GAB2: variants seen among roughly 807,000 people sequenced by gnomAD.
GAB2 encodes GRB2 associated binding protein 2.
GAB2 carries 26 observed loss-of-function variants against 65.5 expected under a neutral mutation model. The observed-to-expected ratio is 0.40, with a 90% CI of 0.29 to 0.55. GAB2 has a LOEUF of 0.55. GAB2 is among the 20% of genes least tolerant of loss of function. GAB2 has a pLI of 0.53. For synonymous variants in GAB2, 321 were observed against 329.6 expected, an observed-to-expected ratio of 0.97 and a Z score of 0.28; for missense variants, 884 against 875.8, an observed-to-expected ratio of 1.01 and a Z score of -0.12.
At chr11:78,289,198 G>A (rs187648555) in intron 1 of GAB2, among the ~76,000 whole-genome samples, 7 of 152,284 alleles carry the variant, frequency 4.6e-5, no homozygotes, top group East Asian at 1.9e-4. Context: ...CCAGGAGTTC[G>A]AGATTGGCCT....
intron 3 of GAB2, among the ~76,000 whole-genome samples, chr11:78,245,185 G>A (rs1185094755): frequency 6.6e-6 from 1 of 152,134 alleles, no homozygotes; most frequent in African/African-American, 2.4e-5. Flanking sequence ...TTGTTGAATG[G>A]TTAGAATTTC....
At chr11:78,238,223 A>T (rs938092225) in intron 3 of GAB2, among the ~76,000 whole-genome samples, 1 of 151,880 alleles carries the variant, frequency 6.6e-6, no homozygotes, top group East Asian at 1.9e-4. Flanking sequence ...AAAAAAAAAA[A>T]AAAGAAAATG....
intron 1 of GAB2, among the ~76,000 whole-genome samples, chr11:78,341,407 C>A (rs1591051609): frequency 6.6e-6 from 1 of 152,260 alleles, no homozygotes; most frequent in Middle Eastern, 3.4e-3. Flanking sequence ...CCAATGTAAT[C>A]CTCTTGAATA....
chr11:78,384,977 A>C (rs1245934427), intron 1 of GAB2, among the ~76,000 whole-genome samples: 2 of 152,214 alleles, frequency 1.3e-5, no homozygotes, highest in African/African-American at 2.4e-5. Context: ...CCTCTTGAGA[A>C]GACTCTCTAC....
chr11:78,344,978 G>A (rs1856156634), intron 1 of GAB2, among the ~76,000 whole-genome samples: 1 of 152,166 alleles, frequency 6.6e-6, no homozygotes, highest in Non-Finnish European at 1.5e-5. Flanking sequence ...AACATTAAGT[G>A]AAATAAACTG....
In GAB2 at chr11:78,215,961, T is replaced by TA. The variant is rs1864118652; in HGVS notation, c.*3310_*3311insT. ...CAGTAACTTCAGAATGGTTGTGCTT[T>TA]TGTCACAGGAATGGGGCATACTTTG... On this transcript the variant is annotated 3_prime_UTR_variant, in exon 10 of 10. Coordinates refer to ENST00000361507, the MANE Select transcript of GAB2 (RefSeq NM_080491.3). 1 of 152,662 alleles carries TA rather than the reference T, an allele frequency of 6.6e-6. No individual in the cohort carries two copies. The highest frequency in any genetic ancestry group is 1.5e-5 in the Non-Finnish European group (1 of 68,068). The allele number at this position is 152,662 out of a possible 1,614,324, so 9.5% of individuals were successfully genotyped here.
intron 5 of GAB2, among the ~76,000 whole-genome samples, chr11:78,224,584 G>T (rs1864566532): frequency 6.6e-6 from 1 of 152,148 alleles, no homozygotes; most frequent in Non-Finnish European, 1.5e-5. Flanking sequence ...TTCTGCCTTG[G>T]TTACCTGATT....
At chr11:78,304,159 A>G (rs1591019506) in intron 1 of GAB2, among the ~76,000 whole-genome samples, 2 of 152,124 alleles carry the variant, frequency 1.3e-5, no homozygotes, top group Middle Eastern at 6.8e-3. Context: ...AATTTATTGA[A>G]GTAAAGTTGT....
In GAB2 at chr11:78,222,166, T is replaced by G. The variant is rs748455210; in HGVS notation, c.1597A>C (p.Asn533His). The G allele has an allele frequency of 4.3e-6, 7 of 1,614,080 alleles. No homozygotes were observed. The highest frequency in any genetic ancestry group is 5.9e-6 in the Non-Finnish European group (7 of 1,179,902). Residue 533 changes from asparagine to histidine, a missense_variant, in exon 7 of 10, where the codon AAC becomes CAC. By Grantham distance (68) the Asn-to-His change is moderately conservative. Coordinates refer to ENST00000361507, the MANE Select transcript of GAB2 (RefSeq NM_080491.3). ...AAGGGGAGTTCATCGATGACGGTGTTGTTCCTCAGGTCAAGTGGTGTTGGC... is the reference window on the plus strand; with the variant it reads ...AAGGGGAGTTCATCGATGACGGTGTGGTTCCTCAGGTCAAGTGGTGTTGGC... ...AKPTPLDLRN[N>H]TVIDELPFKS...
intron 2 of GAB2, among the ~76,000 whole-genome samples, chr11:78,257,700 G>A (rs568976736): frequency 2.0e-5 from 3 of 152,278 alleles, no homozygotes; most frequent in African/African-American, 7.2e-5. Flanking sequence ...GATGGTATAC[G>A]GGGAATTAAT....
chr11:78,297,204 T>A (rs1237940647), intron 1 of GAB2, among the ~76,000 whole-genome samples: 1 of 152,040 alleles, frequency 6.6e-6, no homozygotes, highest in Non-Finnish European at 1.5e-5. Flanking sequence ...AAAGGTAAGT[T>A]TGGTGACGTT....
At chr11:78,409,498 T>G (rs1398972455) in intron 1 of GAB2, among the ~76,000 whole-genome samples, 1 of 152,168 alleles carries the variant, frequency 6.6e-6, no homozygotes, top group African/African-American at 2.4e-5. Context: ...GCAGGAGAAT[T>G]GCTTGCACCC....
At chr11:78,343,592 A>C (rs1472779031) in intron 1 of GAB2, among the ~76,000 whole-genome samples, 1 of 152,174 alleles carries the variant, frequency 6.6e-6, no homozygotes, top group African/African-American at 2.4e-5. Context: ...CCACCCAAAG[A>C]AGCCAGGTTC....
chr11:78,257,879 C>G (rs908586372), intron 2 of GAB2, among the ~76,000 whole-genome samples: 1 of 151,862 alleles, frequency 6.6e-6, no homozygotes, highest in African/African-American at 2.4e-5. Flanking sequence ...TGGGGTCACA[C>G]AGCCAGAAAG....
chr11:78,411,418 T>A (rs2135098251), intron 1 of GAB2, among the ~76,000 whole-genome samples: 1 of 152,068 alleles, frequency 6.6e-6, no homozygotes, highest in East Asian at 1.9e-4. Flanking sequence ...AAAATAAGAA[T>A]AAAGTAGAGG....
At chr11:78,365,370 C>T (rs977602389) in intron 1 of GAB2, among the ~76,000 whole-genome samples, 1 of 152,066 alleles carries the variant, frequency 6.6e-6, no homozygotes, top group South Asian at 2.1e-4. Context: ...AGAAACTCCC[C>T]AGGGCACCTT....
chr11:78,227,122 C>G (rs1864692677), intron 3 of GAB2, 71 bp from the exon 4 acceptor site: 1 of 1,010,876 alleles, frequency 9.9e-7, no homozygotes, highest in African/African-American at 1.6e-5. Flanking sequence ...AGGCAAAGCA[C>G]TTTCTCTTTC....
At chr11:78,311,200 T>C (rs1855493316) in intron 1 of GAB2, among the ~76,000 whole-genome samples, 1 of 152,156 alleles carries the variant, frequency 6.6e-6, no homozygotes, top group South Asian at 2.1e-4. Context: ...GAAAGTAAGT[T>C]TTTTCTTCCC....
At chr11:78,352,427 C>T (rs549625638) in intron 1 of GAB2, among the ~76,000 whole-genome samples, 3 of 152,322 alleles carry the variant, frequency 2.0e-5, no homozygotes, top group South Asian at 4.1e-4. Flanking sequence ...CACAGCTCGG[C>T]GTGTCTGTGC....
Sources: gnomAD v4.1 joint callset for allele counts (sites outside exome capture counted in the v4.1 genomes callset) on GRCh38, gnomAD v4.1.1 for gene constraint, MANE v1.5 for transcripts, NCBI Gene and HGNC (gene_info 2026-07-23, HGNC 2026-07-21) for gene names.